Variants in OLFM1 observed in about 807,000 individuals in gnomAD.
OLFM1 encodes olfactomedin 1.
Under a neutral mutation model 49.7 loss-of-function variants are expected in OLFM1, and 9 were observed. The observed-to-expected ratio is 0.18, with a 90% CI of 0.11 to 0.32. OLFM1 has a LOEUF of 0.32. Ranked by LOEUF, OLFM1 falls within the 10% of genes least tolerant of loss-of-function variation. OLFM1 has a pLI of 1.00. For missense variants in OLFM1, 369 were observed against 661.8 expected, an observed-to-expected ratio of 0.56 and a Z score of 4.85; for synonymous variants, 240 against 271.8, an observed-to-expected ratio of 0.88 and a Z score of 1.15.
intron 5 of OLFM1, among the ~76,000 whole-genome samples, chr9:135,109,673 C>A (rs1009025355): frequency 5.9e-5 from 9 of 152,030 alleles, no homozygotes; most frequent in Non-Finnish European, 1.5e-5. Flanking sequence ...TCCAATCTCC[C>A]ATTCAGTTTT....
At chr9:135,086,924 C>A (rs1830604678), upstream of OLFM1, among the ~76,000 whole-genome samples, 1 of 152,206 alleles carries the variant, frequency 6.6e-6, no homozygotes, top group Admixed American at 6.5e-5. Flanking sequence ...GGGCGTGGTC[C>A]CTTCAGCTCC....
At position 135,098,652 on chromosome 9, in the gene OLFM1, A is replaced by C. The variant is rs937122084; in HGVS notation, c.676+147A>C. 1.4e-5 allele frequency: 10 copies of C among 691,534 alleles called. No individual in the cohort carries two copies. The South Asian group carries it at 1.9e-4, about 13-fold the overall frequency. The allele number at this position is 691,534 out of a possible 1,614,324, so 42.8% of individuals were successfully genotyped here. A position where few individuals can be genotyped will look rare whatever the true frequency, so the allele number is the denominator to read the frequency against. ...AGGGCTCCTGGGCAGGTCTACCTTG[A>C]GAGACAGCAAAGGAGGAGCGTAGGC... is the stretch of plus-strand genomic sequence containing the variant. On this transcript the variant is annotated intron_variant, in intron 4 of 5. Transcript: ENST00000371793. This position sits in a 1 kb window ranked among gnomAD's most constrained non-coding sequence, Gnocchi z 5.6.
Position 135,119,878 on chromosome 9 carries a change from C to T in OLFM1, c.1158C>T (p.Ser386=), listed in dbSNP as rs756321906. Residue 386 remains serine (S), a synonymous_variant, in exon 6 of 6, where the codon TCC becomes TCT. Coordinates refer to ENST00000371793, the MANE Select transcript of OLFM1 (RefSeq NM_001282611.2). Reference sequence around the variant, plus strand: ...TGGTCAGTAGGCTGGACCCCGTGTCCCTGCAGACCCTGCAGACCTGGAACA... The same window carrying T: ...TGGTCAGTAGGCTGGACCCCGTGTCTCTGCAGACCCTGCAGACCTGGAACA... ...NIVVSRLDPV[S]LQTLQTWNTS... is the part of the protein sequence containing the mutation. 1 of 1,613,514 alleles carries T rather than the reference C, an allele frequency of 6.2e-7. No individual in the cohort carries two copies.
At chr9:135,089,213 G>A (rs534001685) in intron 1 of OLFM1, among the ~76,000 whole-genome samples, 1 of 152,192 alleles carries the variant, frequency 6.6e-6, no homozygotes, top group African/African-American at 2.4e-5. Context: ...CCGGCCTGCC[G>A]GTCCCGATCT....
chr9:135,118,769 C>T (rs761084400), intron 5 of OLFM1, among the ~76,000 whole-genome samples: 13 of 135,942 alleles, frequency 9.6e-5, no homozygotes, highest in South Asian at 2.3e-4. Flanking sequence ...TTGGAGTGCT[C>T]GCCGTGTCTT....
rs575117222 is a variant in OLFM1 at position 135,089,395 on chromosome 9, A to G, written c.151-800A>G. Among the ~76,000 whole-genome samples the G allele has an allele frequency of 2.6e-5, 4 of 152,182 alleles. No individual in the cohort carries two copies. The East Asian group carries it at 7.8e-4, about 30-fold the overall frequency. On this transcript the variant is annotated intron_variant, in intron 1 of 5. Coordinates refer to ENST00000371793, the MANE Select transcript of OLFM1 (RefSeq NM_001282611.2). Reference sequence around the variant, plus strand: ...CAGCAGGATGGAGCTGTGTAGGCTCAGGAGTGCCCGCCCCGGTACCTGGCA... The same window carrying G: ...CAGCAGGATGGAGCTGTGTAGGCTCGGGAGTGCCCGCCCCGGTACCTGGCA...
intron 2 of OLFM1, 45 bp downstream of exon 2, chr9:135,090,389 T>C: frequency 2.1e-6 from 3 of 1,438,274 alleles, no homozygotes; most frequent in Non-Finnish European, 1.8e-6. Context: ...TGTGTGTTTG[T>C]GTGTGTGTGT....
At chr9:135,115,360 C>G (rs1014672483) in intron 5 of OLFM1, among the ~76,000 whole-genome samples, 1 of 152,232 alleles carries the variant, frequency 6.6e-6, no homozygotes, top group Non-Finnish European at 1.5e-5. Flanking sequence ...AGCACAGGGA[C>G]GAGATTGCTT....
At chr9:135,097,640 A>G in intron 3 of OLFM1, 1 of 772,728 alleles carries the variant, frequency 1.3e-6, no homozygotes, top group Non-Finnish European at 2.3e-6. Context: ...ATAACTCTTA[A>G]AGCAGTTTGT....
chr9:135,091,074 A>G (rs766880032), intron 2 of OLFM1, among the ~76,000 whole-genome samples: 1 of 152,192 alleles, frequency 6.6e-6, no homozygotes, highest in Non-Finnish European at 1.5e-5. Context: ...GGGTGGACTT[A>G]TTTGTCCCAA....
rs1001983954 is a variant in OLFM1, at chr9:135,088,902, C to A, written c.150+763C>A. 5.9e-5 allele frequency among the ~76,000 whole-genome samples: 9 copies of A among 152,192 alleles called. No homozygotes were observed. The highest frequency in any genetic ancestry group is 2.9e-5 in the Non-Finnish European group (2 of 68,018). On this transcript the variant is annotated intron_variant, in intron 1 of 5. Transcript: ENST00000371793. This position sits in a 1 kb window ranked among gnomAD's most constrained non-coding sequence, Gnocchi z 4.8. ...AGCCTAGCGGGAGGGGAACCGTGGC[C>A]GGGGCTGCTTCTGGGCAGAGCTGAC... is the stretch of plus-strand genomic sequence containing the variant.
At chr9:135,095,530 A>C (rs72760805) in intron 2 of OLFM1, among the ~76,000 whole-genome samples, 1 of 137,252 alleles carries the variant, frequency 7.3e-6, no homozygotes, top group South Asian at 2.4e-4. Flanking sequence ...AAAAAAAAAA[A>C]AGAGAGAGAG....
At chr9:135,087,237 G>A, upstream of OLFM1, 3 of 1,407,274 alleles carry the variant, frequency 2.1e-6, no homozygotes, top group Admixed American at 2.9e-5. Flanking sequence ...TTCAGGCGAC[G>A]GCCCAGGCTG....
chr9:135,090,818 C>T (rs1376651029), intron 2 of OLFM1, among the ~76,000 whole-genome samples: 1 of 152,168 alleles, frequency 6.6e-6, no homozygotes, highest in Non-Finnish European at 1.5e-5. Context: ...GAGATGAGAT[C>T]TTTTTTCTGC....
At chr9:135,094,068 A>T (rs1830751249) in intron 2 of OLFM1, among the ~76,000 whole-genome samples, 1 of 152,156 alleles carries the variant, frequency 6.6e-6, no homozygotes, top group Non-Finnish European at 1.5e-5. Flanking sequence ...TCTCCTCGGC[A>T]CTTGTGGGCC....
chr9:135,107,982 G>A (rs1432226456), intron 5 of OLFM1, among the ~76,000 whole-genome samples: 1 of 152,154 alleles, frequency 6.6e-6, no homozygotes, highest in Non-Finnish European at 1.5e-5. Context: ...AAGATGGCTG[G>A]GGAGGGGAGG....
At chr9:135,107,404 G>A (rs1451349915) in intron 5 of OLFM1, among the ~76,000 whole-genome samples, 1 of 152,264 alleles carries the variant, frequency 6.6e-6, no homozygotes, top group Non-Finnish European at 1.5e-5. Flanking sequence ...CCTCAGAAGA[G>A]GAGAGAGAAA....
At chr9:135,119,459 C>T in intron 5 of OLFM1, 45 bp from the exon 6 acceptor site, 1 of 1,517,028 alleles carries the variant, frequency 6.6e-7, no homozygotes. Flanking sequence ...GGAGTACTCA[C>T]TGGGTCTTTG....
chr9:135,076,353 T>G (rs1031470543), intron 1 of OLFM1: 2 of 1,542,584 alleles, frequency 1.3e-6, no homozygotes, highest in Non-Finnish European at 1.8e-6. Context: ...TGGCTTAATA[T>G]GCAGGGCTTG....
Sources: gnomAD v4.1 joint callset for allele counts (sites outside exome capture counted in the v4.1 genomes callset) on GRCh38, gnomAD v4.1.1 for gene constraint, Gnocchi (gnomAD v3.1) non-coding constraint, MANE v1.5 for transcripts, NCBI Gene and HGNC (gene_info 2026-07-23, HGNC 2026-07-21) for gene names.